ARAP1: variants seen among roughly 807,000 people sequenced by gnomAD.
The protein encoded by ARAP1 is arf-GAP with Rho-GAP domain, ANK repeat and PH domain-containing protein 1.
A neutral mutation model predicts 172.2 loss-of-function variants in ARAP1; 76 were observed. That is an observed-to-expected ratio of 0.44 (90% CI 0.37 to 0.53). The LOEUF (loss-of-function observed/expected upper bound fraction) is 0.53. Ranked by LOEUF, ARAP1 falls within the 20% of genes least tolerant of loss-of-function variation. The pLI is 0.00. For synonymous variants in ARAP1, 804 were observed against 803.3 expected (o/e 1.00, Z -0.01); for missense variants, 1,686 against 1,977.5 (o/e 0.85, Z 2.80).
rs554002425 is a variant in ARAP1, at chr11:72,699,633, G to A, written c.2303-81C>T. The A allele has an allele frequency of 1.5e-4, 234 of 1,519,532 alleles. No homozygotes were observed. In the South Asian group the frequency reaches 2.6e-3, roughly 17 times the overall value. The allele number at this position is 1,519,532 out of a possible 1,614,324, so 94.1% of individuals were successfully genotyped here. ...ACCTCTGCATCCTCCCGGGGCTCCT[G>A]CTCCCATCTGACCCATGAGCTCTTC... On this transcript the variant is annotated intron_variant, in intron 16 of 34. Coordinates refer to ENST00000393609, the MANE Select transcript of ARAP1 (RefSeq NM_001040118.3). The surrounding 1 kb of genome is among the most constrained non-coding windows in gnomAD (Gnocchi z 4.2).
intron 11 of ARAP1, 53 bp from the exon 12 acceptor site, chr11:72,707,427 GGGC>G: frequency 6.5e-7 from 1 of 1,531,206 alleles, no homozygotes; most frequent in Non-Finnish European, 8.9e-7. Context: ...AGGGATTTGG[GGGC>G]AGCATGAGGA....
In ARAP1 at chr11:72,726,632, C is replaced by G. The variant is rs374834128; in HGVS notation, c.497G>C (p.Arg166Pro). ...PPVPPRTGPP[R>P]LLVSLPTKEE... ...GGCATCCACTCACCTCACCAGCAGGCGGGGGGGTCCGGTGCGGGGCGGCAC... is the reference window on the plus strand; with the variant it reads ...GGCATCCACTCACCTCACCAGCAGGGGGGGGGGTCCGGTGCGGGGCGGCAC... The change falls in exon 3 of 35, where the codon CGC becomes CCC. Residue 166 changes from arginine to proline, a missense_variant. Arg to Pro is a moderately radical substitution (Grantham distance 103). Transcript: ENST00000393609. This position sits in a 1 kb window ranked among gnomAD's most constrained non-coding sequence, Gnocchi z 6.5. 6.6e-7 allele frequency: 1 copy of G among 1,513,770 alleles called. No individual in the cohort carries two copies. Among genetic ancestry groups the G allele is most frequent in the South Asian group, 1.3e-5 (1 of 77,814 alleles). 93.8% of individuals were successfully genotyped at this position (1,513,770 alleles called of 1,614,324 possible).
In ARAP1 at chr11:72,705,793, G is replaced by A. The variant is rs557393492; in HGVS notation, c.1809+12C>T. On this transcript the variant is annotated intron_variant, in intron 13 of 34. Coordinates refer to ENST00000393609, the MANE Select transcript of ARAP1 (RefSeq NM_001040118.3). ...GACCCCAAGTATCGGTGGCAAGCAG[G>A]GGCATCCCCACCTCGATAAGTGTTT... is the stretch of plus-strand genomic sequence containing the variant. 6.2e-6 allele frequency: 10 copies of A among 1,613,876 alleles called. No homozygotes were observed. Among genetic ancestry groups the A allele is most frequent in the Middle Eastern group, 1.7e-4 (1 of 6,058 alleles).
chr11:72,719,714 T>C (rs1245584363), intron 3 of ARAP1, among the ~76,000 whole-genome samples: 1 of 152,180 alleles, frequency 6.6e-6, no homozygotes. Flanking sequence ...CAGGTGTCAC[T>C]GTGAGAGAAG....
In ARAP1 at chr11:72,736,938, T is replaced by C. The variant is rs562441160; in HGVS notation, c.-127-4341A>G. On this transcript the variant is annotated intron_variant, in intron 1 of 34. Transcript: ENST00000393609. ...ACTTCCTCCATGTCACTTCTCACAG[T>C]AGGCACTGGCCTGGCAAACAGGGAG... 4.6e-5 allele frequency among the ~76,000 whole-genome samples: 7 copies of C among 152,276 alleles called. No individual in the cohort carries two copies. The Middle Eastern group carries it at 0.021, about 447-fold the overall frequency.
At chr11:72,687,897 C>T (rs1855759792) in intron 31 of ARAP1, among the ~76,000 whole-genome samples, 159 bp from the exon 32 acceptor site, 1 of 152,194 alleles carries the variant, frequency 6.6e-6, no homozygotes, top group Non-Finnish European at 1.5e-5. Flanking sequence ...CTGTCTCAGC[C>T]CCAACCAGCC....
intron 27 of ARAP1, among the ~76,000 whole-genome samples, chr11:72,694,327 G>C (rs868111085): frequency 6.6e-6 from 1 of 151,756 alleles, no homozygotes; most frequent in African/African-American, 2.4e-5. Flanking sequence ...CGATGGTCTT[G>C]CATTGCTGCT....
In ARAP1 at chr11:72,710,433, C is replaced by T. The variant is rs752891009; in HGVS notation, c.1368G>A (p.Leu456=). 1.3e-5 allele frequency: 21 copies of T among 1,613,960 alleles called. No individual in the cohort carries two copies. The highest frequency in any genetic ancestry group is 1.5e-5 in the Non-Finnish European group (18 of 1,179,992). Reference sequence around the variant, plus strand: ...CTTTGTCCCCGACCACGGCCACGTACAGCTTATTCTTGAAGCCACGAAGCT... The same window carrying T: ...CTTTGTCCCCGACCACGGCCACGTATAGCTTATTCTTGAAGCCACGAAGCT... ...SLELRGFKNK[L]YVAVVGDKVQ... is the part of the protein sequence containing the mutation. Residue 456 remains leucine (L), a synonymous_variant, in exon 10 of 35, where the codon CTG becomes CTA. Coordinates refer to ENST00000393609, the MANE Select transcript of ARAP1 (RefSeq NM_001040118.3). This position sits in a 1 kb window ranked among gnomAD's most constrained non-coding sequence, Gnocchi z 4.3.
chr11:72,734,358 C>T (rs1387810508), intron 1 of ARAP1, among the ~76,000 whole-genome samples: 2 of 152,138 alleles, frequency 1.3e-5, no homozygotes, highest in Non-Finnish European at 2.9e-5. Context: ...TGGCCTCAAG[C>T]AATCCTCCCA....
chr11:72,746,884 C>T (rs769833116), intron 1 of ARAP1, among the ~76,000 whole-genome samples: 1 of 152,236 alleles, frequency 6.6e-6, no homozygotes, highest in Admixed American at 6.5e-5. Context: ...TGACTCTGCA[C>T]CTGACTACAG....
chr11:72,716,172 C>CAAAAAA (rs201462857), intron 3 of ARAP1, among the ~76,000 whole-genome samples: 2 of 73,290 alleles, frequency 2.7e-5, no homozygotes, highest in Non-Finnish European at 5.2e-5. Context: ...GACTCCGTCT[C>CAAAAAA]AAAAAAAAAA....
At chr11:72,740,896 A>C (rs7128364) in intron 1 of ARAP1, among the ~76,000 whole-genome samples, 25,240 of 151,984 alleles carry the variant, frequency 0.17, 2,994 homozygotes, top group African/African-American at 0.33. Context: ...CTTAAGCCTC[A>C]CCCAGGGGCC....
chr11:72,694,884 C>A lies in ARAP1; in HGVS notation c.3694+96G>T, dbSNP rs1856108702. On this transcript the variant is annotated intron_variant, in intron 27 of 34. Transcript: ENST00000393609. ...CATGTCATCAAAGCCCTTTTCACCA[C>A]CCATCCTCATGTGCAGGGTAGGGGA... The A allele has an allele frequency of 2.9e-6, 3 of 1,051,006 alleles. No homozygotes were observed. In the East Asian group the frequency reaches 7.5e-5, roughly 26 times the overall value. The allele number at this position is 1,051,006 out of a possible 1,614,324, so 65.1% of individuals were successfully genotyped here.
At chr11:72,692,991 T>C (rs1591173892) in intron 29 of ARAP1, 1 of 672,096 alleles carries the variant, frequency 1.5e-6, no homozygotes, top group Admixed American at 2.4e-5. Flanking sequence ...ACATACGATA[T>C]GACAAGGCAT....
chr11:72,720,920 G>C (rs185882783), intron 3 of ARAP1, among the ~76,000 whole-genome samples: 1 of 152,318 alleles, frequency 6.6e-6, no homozygotes, highest in African/African-American at 2.4e-5. Flanking sequence ...GGCCAGCCCT[G>C]CTGTCTGGGC....
At position 72,725,640 on chromosome 11, in the gene ARAP1, T is replaced by C. The variant is rs964251427; in HGVS notation, c.509+980A>G. Among the ~76,000 whole-genome samples the C allele has an allele frequency of 2.0e-5, 3 of 151,952 alleles. No homozygotes were observed. Among genetic ancestry groups the C allele is most frequent in the African/African-American group, 7.3e-5 (3 of 41,370 alleles). Reference sequence around the variant, plus strand: ...CCACAAGGCCCCCTGAGTATGTCCTTGGCATGGATCCAGCCAGGGCCCCCT... The same window carrying C: ...CCACAAGGCCCCCTGAGTATGTCCTCGGCATGGATCCAGCCAGGGCCCCCT... On this transcript the variant is annotated intron_variant, in intron 3 of 34. Coordinates refer to ENST00000393609, the MANE Select transcript of ARAP1 (RefSeq NM_001040118.3). This position sits in a 1 kb window ranked among gnomAD's most constrained non-coding sequence, Gnocchi z 4.3.
At chr11:72,692,848 C>T in intron 29 of ARAP1, 63 bp from the exon 30 acceptor site, 2 of 1,600,168 alleles carry the variant, frequency 1.2e-6, no homozygotes, top group Non-Finnish European at 1.7e-6. Context: ...ACAGCATGTG[C>T]AGTGATGTGT....
intron 4 of ARAP1, 113 bp from the exon 5 acceptor site, chr11:72,713,356 C>G: frequency 1.0e-6 from 1 of 963,024 alleles, no homozygotes; most frequent in South Asian, 1.5e-5. Context: ...ATCCCCACCT[C>G]CCCCTGGCTT....
At chr11:72,713,862 A>G (rs1439887002) in intron 4 of ARAP1, among the ~76,000 whole-genome samples, 1 of 151,742 alleles carries the variant, frequency 6.6e-6, no homozygotes, top group Non-Finnish European at 1.5e-5. Flanking sequence ...AAAAAAAAAA[A>G]AAGAAAAGCA....
Sources: gnomAD v4.1 joint callset for allele counts (sites outside exome capture counted in the v4.1 genomes callset) on GRCh38, gnomAD v4.1.1 for gene constraint, Gnocchi (gnomAD v3.1) non-coding constraint, MANE v1.5 for transcripts, NCBI Gene and HGNC (gene_info 2026-07-23, HGNC 2026-07-21) for gene names.